Variants in RRM2 observed in about 807,000 individuals in gnomAD.
The protein encoded by RRM2 is ribonucleoside-diphosphate reductase subunit M2.
In RRM2, 6 loss-of-function variants were observed where a neutral mutation model predicts 45.9. That is an observed-to-expected ratio of 0.13 (90% CI 0.07 to 0.26). The LOEUF (loss-of-function observed/expected upper bound fraction) is 0.26, where lower values mean the gene tolerates loss of function less well. Ranked by LOEUF, RRM2 falls within the 10% of genes least tolerant of loss-of-function variation. RRM2 has a pLI of 1.00. For synonymous variants in RRM2, 177 were observed against 173.0 expected, an observed-to-expected ratio of 1.02 and a Z score of -0.18; for missense variants, 343 against 489.5, an observed-to-expected ratio of 0.70 and a Z score of 2.82.
At chr2:10,149,905 G>A (rs1663271375) in intron 3 of RRM2, among the ~76,000 whole-genome samples, 1 of 152,218 alleles carries the variant, frequency 6.6e-6, no homozygotes, top group South Asian at 2.1e-4. Context: ...GTTGGTTGGT[G>A]GGCAGTGTGA....
chr2:10,198,901 T>C (rs1167664464), intron 3 of RRM2: 1 of 152,124 alleles, frequency 6.6e-6, no homozygotes. Flanking sequence ...ATGTTTCTGA[T>C]TGGAGGTGTC....
At position 10,122,797 on chromosome 2, in the gene RRM2, C is replaced by G. The variant is rs758005746; in HGVS notation, c.-2C>G. 4 of 1,588,690 alleles carry G rather than the reference C, an allele frequency of 2.5e-6. No homozygotes were observed. The highest frequency in any genetic ancestry group is 3.4e-6 in the Non-Finnish European group (4 of 1,168,996). On this transcript the variant is annotated 5_prime_UTR_variant, in exon 1 of 10. Coordinates refer to ENST00000304567, the MANE Select transcript of RRM2 (RefSeq NM_001034.4). Reference sequence around the variant, plus strand: ...CTCGCTCTGCTTCGCTGCGCCTCCACTATGCTCTCCCTCCGTGTCCCGCTC... The same window carrying G: ...CTCGCTCTGCTTCGCTGCGCCTCCAGTATGCTCTCCCTCCGTGTCCCGCTC...
At chr2:10,203,139 C>A (rs1272592256) in intron 3 of RRM2, among the ~76,000 whole-genome samples, 1 of 152,216 alleles carries the variant, frequency 6.6e-6, no homozygotes. Flanking sequence ...AAACACCCAC[C>A]CACATCTGGC....
chr2:10,126,988 C>T lies in RRM2; in HGVS notation c.664+19C>T. On this transcript the variant is annotated intron_variant, in intron 6 of 9. Coordinates refer to ENST00000304567, the MANE Select transcript of RRM2 (RefSeq NM_001034.4). ...ACCTATGGTAAGGAGACCCTTGCCC[C>T]TACTTAAACCTGAGCTTCATTTTCC... The T allele has an allele frequency of 6.2e-7, 1 of 1,611,582 alleles. No homozygotes were observed. The highest frequency in any genetic ancestry group is 8.5e-7 in the Non-Finnish European group (1 of 1,178,028).
intron 3 of RRM2, among the ~76,000 whole-genome samples, chr2:10,154,871 T>G (rs1436112160): frequency 6.6e-6 from 1 of 151,786 alleles, no homozygotes; most frequent in African/African-American, 2.4e-5. Flanking sequence ...TAATTTTGTA[T>G]TTTTAGTAGA....
chr2:10,147,340 T>G (rs1357690878), intron 3 of RRM2, among the ~76,000 whole-genome samples: 2 of 152,174 alleles, frequency 1.3e-5, no homozygotes, highest in Admixed American at 6.6e-5. Flanking sequence ...AGGAGTGCAG[T>G]GGCACAGTTG....
intron 3 of RRM2, among the ~76,000 whole-genome samples, chr2:10,197,778 C>T (rs1664446841): frequency 6.6e-6 from 1 of 152,196 alleles, no homozygotes; most frequent in South Asian, 2.1e-4. Flanking sequence ...ACCTGCTGTC[C>T]TGCTTGTCCC....
chr2:10,150,264 G>A (rs901708375), intron 3 of RRM2, among the ~76,000 whole-genome samples: 2 of 152,070 alleles, frequency 1.3e-5, no homozygotes, highest in South Asian at 2.1e-4. Flanking sequence ...TGGCTAACAC[G>A]GTGAAACCCC....
In RRM2 at chr2:10,174,456, C is replaced by T. The variant is rs370225129; in HGVS notation, n.482+32081C>T. ...GCTCTCCCAGCTCTGTGTCCCCCGC[C>T]AAAGCAGGCCCACAAGCGAGCGCCT... On this transcript the variant is annotated intron_variant and non_coding_transcript_variant, in intron 3 of 3. Coordinates refer to the RRM2 transcript ENST00000381786. 3.3e-5 allele frequency among the ~76,000 whole-genome samples: 5 copies of T among 151,932 alleles called. No individual in the cohort carries two copies. In the East Asian group the frequency reaches 9.7e-4, roughly 29 times the overall value.
chr2:10,132,173 G>A (rs900934220), downstream of RRM2, among the ~76,000 whole-genome samples: 2 of 152,150 alleles, frequency 1.3e-5, no homozygotes, highest in Admixed American at 6.5e-5. Flanking sequence ...TGTACCTCAC[G>A]CCACTGCCAT....
intron 3 of RRM2, among the ~76,000 whole-genome samples, chr2:10,183,233 C>T (rs6756058): frequency 0.21 from 32,004 of 152,120 alleles, 3,700 homozygotes; most frequent in East Asian, 0.51. Context: ...GGCCAAAGAG[C>T]GGCAGCACTG....
chr2:10,168,950 G>C (rs1235919034), intron 3 of RRM2, among the ~76,000 whole-genome samples: 3 of 151,948 alleles, frequency 2.0e-5, no homozygotes, highest in African/African-American at 4.8e-5. Flanking sequence ...CTGATCACTT[G>C]CTTCTCTTAA....
chr2:10,142,319 G>C (rs201420637), exon 3 of RRM2: 8 of 1,390,410 alleles, frequency 5.8e-6, no homozygotes, highest in African/African-American at 1.5e-5. Context: ...CTGCTTCTGC[G>C]TGTCAGGTGT....
chr2:10,154,116 A>G (rs1388792262), intron 3 of RRM2, among the ~76,000 whole-genome samples: 1 of 152,238 alleles, frequency 6.6e-6, no homozygotes, highest in Non-Finnish European at 1.5e-5. Context: ...TGTAGTCAAC[A>G]CCTAAGTTCC....
At chr2:10,183,377 G>A (rs1664100568) in intron 3 of RRM2, among the ~76,000 whole-genome samples, 1 of 152,222 alleles carries the variant, frequency 6.6e-6, no homozygotes, top group Admixed American at 6.5e-5. Flanking sequence ...CTGGAGGGGT[G>A]GAGGCAGGTG....
At chr2:10,210,840 C>A in exon 4 of RRM2, 1 of 341,210 alleles carries the variant, frequency 2.9e-6, no homozygotes, top group Non-Finnish European at 5.7e-6. Flanking sequence ...GGGTGGAGAC[C>A]CATGCTGGGG....
In RRM2 at chr2:10,131,365, T is replaced by G. The variant is rs939416165; in HGVS notation, c.*1979T>G. On this transcript the variant is annotated 3_prime_UTR_variant, in exon 10 of 10. Transcript: ENST00000304567. ...GAAACAAGTATTTCAGTCTCAAAAT[T>G]GAATAATGCACAAGTCTTAAGTGAT... 1 of 152,206 alleles carries G rather than the reference T, an allele frequency of 6.6e-6. No individual in the cohort carries two copies. Among genetic ancestry groups the G allele is most frequent in the Non-Finnish European group, 1.5e-5 (1 of 68,044 alleles). The allele number at this position is 152,206 out of a possible 1,614,324, so 9.4% of individuals were successfully genotyped here.
chr2:10,129,025 G>C lies in RRM2; in HGVS notation c.904-16G>C. 1 of 1,612,694 alleles carries C rather than the reference G, an allele frequency of 6.2e-7. No individual in the cohort carries two copies. The highest frequency in any genetic ancestry group is 8.5e-7 in the Non-Finnish European group (1 of 1,178,682). On this transcript the variant is annotated splice_polypyrimidine_tract_variant and intron_variant, in intron 8 of 9. Coordinates refer to ENST00000304567, the MANE Select transcript of RRM2 (RefSeq NM_001034.4). The surrounding 1 kb of genome is among the most constrained non-coding windows in gnomAD (Gnocchi z 4.8). ...TGTGCTTTAGTTGTATTCAGAAGCT[G>C]TATTTTGGTTCCTAGGAGTTCCTCA...
At chr2:10,173,813 C>T (rs1003975224) in intron 3 of RRM2, among the ~76,000 whole-genome samples, 1 of 152,242 alleles carries the variant, frequency 6.6e-6, no homozygotes, top group African/African-American at 2.4e-5. Context: ...AGGGTTCCTG[C>T]CCTCTGGAGC....
Sources: allele counts gnomAD v4.1 joint callset (sites outside exome capture counted in the v4.1 genomes callset), GRCh38; gene constraint gnomAD v4.1.1; non-coding constraint Gnocchi (gnomAD v3.1); transcripts MANE v1.5; gene names NCBI Gene and HGNC (gene_info 2026-07-23, HGNC 2026-07-21).